The following MCM5 variants were observed in gnomAD, a reference collection of about 807,000 sequenced individuals.
MCM5 encodes the protein minichromosome maintenance complex component 5.
A neutral mutation model predicts 79.9 loss-of-function variants in MCM5; 46 were observed. That is an observed-to-expected ratio of 0.58 (90% confidence interval 0.45 to 0.74). The LOEUF is 0.74. Ranked by LOEUF, MCM5 falls within the 30% of genes least tolerant of loss-of-function variation. The probability of loss-of-function intolerance (pLI) is 0.00; values close to 1 mark genes in which losing one functional copy is unlikely to be tolerated. For missense variants in MCM5, 883 were observed against 1,017.0 expected (o/e 0.87, Z 1.79); for synonymous variants, 404 against 390.5 (o/e 1.03, Z -0.41).
chr22:35,448,343 C>A, the MCM5 span, among the ~76,000 whole-genome samples: 470 of 152,082 alleles, frequency 3.1e-3, 3 homozygotes, highest in African/African-American at 0.011. Context: ...TCCTTTGTCT[C>A]CCTCTGGACC....
intron 16 of MCM5, 45 bp from the exon 17 acceptor site, chr22:35,424,108 TC>T: frequency 2.3e-6 from 3 of 1,311,138 alleles, no homozygotes; most frequent in Non-Finnish European, 1.1e-6. Context: ...TCTGTCGGAG[TC>T]CCCTCGGGCA....
chr22:35,407,994 G>T (rs559446299), intron 5 of MCM5, among the ~76,000 whole-genome samples: 1 of 152,298 alleles, frequency 6.6e-6, no homozygotes, highest in Admixed American at 6.5e-5. Flanking sequence ...CTAGGGATAC[G>T]TAGAGGCTTA....
chr22:35,400,719 G>T, intron 2 of MCM5, 114 bp downstream of exon 2: 6 of 1,215,988 alleles, frequency 4.9e-6, no homozygotes, highest in Non-Finnish European at 6.7e-6. Flanking sequence ...ACGGGGGAAA[G>T]AGCCGGTCCT....
At chr22:35,403,656 C>G in intron 4 of MCM5, 114 bp downstream of exon 4, 1 of 1,289,406 alleles carries the variant, frequency 7.8e-7, no homozygotes, top group South Asian at 1.4e-5. Context: ...AACCTGTCTC[C>G]TCCTGGAGAC....
chr22:35,427,138 C>T (rs1189876557), downstream of MCM5, among the ~76,000 whole-genome samples: 2 of 152,228 alleles, frequency 1.3e-5, no homozygotes, highest in African/African-American at 4.8e-5. Context: ...GCTAACTACA[C>T]GATCTTCACC....
chr22:35,411,002 C>A, intron 7 of MCM5, 92 bp downstream of exon 7: 1 of 1,186,716 alleles, frequency 8.4e-7, no homozygotes, highest in Non-Finnish European at 1.2e-6. Context: ...CATGAGGTAG[C>A]CCAGGATGTC....
chr22:35,416,721 G>A lies in MCM5; in HGVS notation c.1497G>A (p.Lys499=). The change falls in exon 12 of 17, where the codon AAG becomes AAA. Residue 499 remains lysine, a synonymous_variant. Coordinates refer to ENST00000216122, the MANE Select transcript of MCM5 (RefSeq NM_006739.4). The part of the protein sequence containing the change: ...NSVFGRWDET[K]GEDNIDFMPT... The stretch of plus-strand genomic sequence containing the variant: ...TGTTCGGCCGCTGGGATGAGACGAA[G>A]GGGGAGGACAACATTGACTTCATGC... 1 of 1,614,160 alleles carries A rather than the reference G, an allele frequency of 6.2e-7. No homozygotes were observed. Among genetic ancestry groups the A allele is most frequent in the Non-Finnish European group, 8.5e-7 (1 of 1,180,040 alleles).
the MCM5 span, among the ~76,000 whole-genome samples, chr22:35,435,380 G>A: frequency 6.6e-6 from 1 of 152,192 alleles, no homozygotes; most frequent in Non-Finnish European, 1.5e-5. Flanking sequence ...TGGGGACTTG[G>A]TGGGACAGCA....
the MCM5 span, among the ~76,000 whole-genome samples, chr22:35,433,637 T>C: frequency 2.0e-5 from 3 of 152,234 alleles, no homozygotes; most frequent in Non-Finnish European, 2.9e-5. Flanking sequence ...ATCCCCACTC[T>C]GTCGTCCTGC....
At chr22:35,403,003 GGCATGC>G (rs1189262804) in intron 2 of MCM5, among the ~76,000 whole-genome samples, 198 bp from the exon 3 acceptor site, 1 of 152,158 alleles carries the variant, frequency 6.6e-6, no homozygotes, top group Admixed American at 6.5e-5. Flanking sequence ...CTTTCTTTAG[GGCATGC>G]CTGTGCCAGC....
chr22:35,415,507 C>G (rs1932515002), intron 9 of MCM5, among the ~76,000 whole-genome samples: 1 of 152,186 alleles, frequency 6.6e-6, no homozygotes, highest in Non-Finnish European at 1.5e-5. Flanking sequence ...AGCCCTGAGG[C>G]TAACTCCTCT....
At chr22:35,415,776 G>A in intron 9 of MCM5, 53 bp from the exon 10 acceptor site, 1 of 1,586,230 alleles carries the variant, frequency 6.3e-7, no homozygotes. Flanking sequence ...TTGTCTTATG[G>A]GGGTCAAAGC....
In MCM5 at chr22:35,424,205, G is replaced by A. The variant is rs576643425; in HGVS notation, c.2155G>A (p.Gly719Ser). 2.8e-5 allele frequency: 44 copies of A among 1,553,164 alleles called. No homozygotes were observed. The South Asian group carries it at 5.0e-4, about 18-fold the overall frequency. The change falls in exon 17 of 17, where the codon GGC becomes AGC. Residue 719 changes from glycine to serine, a missense_variant. By Grantham distance (56) the Gly-to-Ser change is moderately conservative. Around this residue, in one of 3 missense-constraint regions of MCM5, gnomAD observed 426 missense variants for 482.3 expected, o/e 0.88. Coordinates refer to ENST00000216122, the MANE Select transcript of MCM5 (RefSeq NM_006739.4). Reference sequence around the variant, plus strand: ...GGTGCTGCAGCTCATGCTGCGGCGCGGCGAGATCCAGCATCGCATGCAGCG... The same window carrying A: ...GGTGCTGCAGCTCATGCTGCGGCGCAGCGAGATCCAGCATCGCATGCAGCG... ...HKVLQLMLRR[G>S]EIQHRMQRKV...
intron 2 of MCM5, chr22:35,401,340 T>C (rs743815): frequency 0.56 from 260,219 of 463,942 alleles, 74,972 homozygotes; most frequent in Non-Finnish European, 0.61. Flanking sequence ...TAGGATTCAC[T>C]TCACTTCGCT....
At chr22:35,440,563 G>T in the MCM5 span, among the ~76,000 whole-genome samples, 1 of 152,158 alleles carries the variant, frequency 6.6e-6, no homozygotes, top group South Asian at 2.1e-4. Context: ...ATAAATTCAG[G>T]CCAGAAAACC....
At chr22:35,407,528 C>A (rs9622197) in intron 5 of MCM5, among the ~76,000 whole-genome samples, 33 of 151,504 alleles carry the variant, frequency 2.2e-4, no homozygotes, top group African/African-American at 7.4e-4. Context: ...TCTCCAGGCC[C>A]GGCCTCACTG....
Position 35,416,424 on chromosome 22 carries a change from G to A in MCM5, c.1413+20G>A, listed in dbSNP as rs746811258. 1.9e-6 allele frequency: 3 copies of A among 1,610,950 alleles called. No individual in the cohort carries two copies. Among genetic ancestry groups the A allele is most frequent in the Admixed American group, 1.7e-5 (1 of 59,918 alleles). On this transcript the variant is annotated intron_variant, in intron 11 of 16. Transcript: ENST00000216122. ...GCCAAGGTGAGTGGCCCTCCATGGA[G>A]AGCCCAGCCTGCAGCAGCCCAGCGT...
At chr22:35,423,084 C>T in intron 15 of MCM5, 130 bp from the exon 16 acceptor site, 3 of 995,788 alleles carry the variant, frequency 3.0e-6, no homozygotes, top group Admixed American at 2.6e-5. Context: ...CCCTGGCACA[C>T]TCGGTGCCCT....
the MCM5 span, among the ~76,000 whole-genome samples, chr22:35,449,187 G>A: frequency 6.6e-6 from 1 of 152,320 alleles, no homozygotes; most frequent in Admixed American, 6.5e-5. Context: ...CTCAGGGCTG[G>A]TCAGGGTTGG....
Sources: gnomAD v4.1 joint callset for allele counts (sites outside exome capture counted in the v4.1 genomes callset) on GRCh38, gnomAD v4.1.1 for gene constraint, gnomAD v4.1.1 regional missense constraint, MANE v1.5 for transcripts, NCBI Gene and HGNC (gene_info 2026-07-23, HGNC 2026-07-21) for gene names.